LDB2: variants seen among roughly 807,000 people sequenced by gnomAD.
LDB2 encodes the protein LIM domain-binding protein 2.
A neutral mutation model predicts 44.3 loss-of-function variants in LDB2; 12 were observed. The observed-to-expected ratio is 0.27, with a 90% CI of 0.17 to 0.44. The LOEUF (loss-of-function observed/expected upper bound fraction) is 0.44. Among genes scored for constraint, LDB2 ranks in the 20% least tolerant of loss-of-function variants. The pLI, the probability that LDB2 is intolerant of heterozygous loss-of-function variation, is 1.00. For synonymous variants in LDB2, 164 were observed against 174.8 expected, an observed-to-expected ratio of 0.94 and a Z score of 0.49; for missense variants, 344 against 473.5, an observed-to-expected ratio of 0.73 and a Z score of 2.54.
At chr4:16,815,013 T>A (rs185007693) in intron 1 of LDB2, among the ~76,000 whole-genome samples, 1 of 152,270 alleles carries the variant, frequency 6.6e-6, no homozygotes, top group Non-Finnish European at 1.5e-5. Flanking sequence ...CACAATTCTA[T>A]GTATTCACAT....
intron 2 of LDB2, among the ~76,000 whole-genome samples, chr4:16,694,605 C>G (rs1751654464): frequency 6.6e-6 from 1 of 152,190 alleles, no homozygotes; most frequent in Non-Finnish European, 1.5e-5. Context: ...CCAGCCCTTC[C>G]AAATCTTAGC....
intron 2 of LDB2, among the ~76,000 whole-genome samples, chr4:16,734,132 C>T (rs995360253): frequency 6.6e-6 from 1 of 152,082 alleles, no homozygotes; most frequent in African/African-American, 2.4e-5. Flanking sequence ...AAATAAGATG[C>T]TTTGTGTAAT....
intron 5 of LDB2, among the ~76,000 whole-genome samples, chr4:16,552,226 T>A (rs560061375): frequency 6.6e-6 from 1 of 152,334 alleles, no homozygotes; most frequent in African/African-American, 2.4e-5. Context: ...AAATATTAGT[T>A]GAACATATCA....
chr4:16,802,656 T>C (rs1011981436), intron 1 of LDB2, among the ~76,000 whole-genome samples: 34 of 152,208 alleles, frequency 2.2e-4, no homozygotes, highest in African/African-American at 7.2e-4. Flanking sequence ...GTGACTGATA[T>C]GGTTTGACTG....
At chr4:16,610,201 T>C (rs1725223102) in intron 2 of LDB2, among the ~76,000 whole-genome samples, 1 of 151,670 alleles carries the variant, frequency 6.6e-6, no homozygotes, top group Non-Finnish European at 1.5e-5. Flanking sequence ...AGAAACTCCA[T>C]CCAAGGGTCA....
chr4:16,551,674 C>T lies in LDB2; in HGVS notation c.615+34248G>A, dbSNP rs142571827. ...CTGGGATTATAGGCGCCTGCCACCA[C>T]GCCCAAATAATTTTTGTATTTTTAA... On this transcript the variant is annotated intron_variant, in intron 5 of 7. Coordinates refer to ENST00000304523, the MANE Select transcript of LDB2 (RefSeq NM_001290.5). 2.4e-4 allele frequency among the ~76,000 whole-genome samples: 37 copies of T among 152,162 alleles called. 1 individual carries two copies. The East Asian group carries it at 7.0e-3, about 29-fold the overall frequency.
chr4:16,872,148 T>A (rs978873562), intron 1 of LDB2, among the ~76,000 whole-genome samples: 2 of 152,064 alleles, frequency 1.3e-5, no homozygotes, highest in Non-Finnish European at 2.9e-5. Context: ...TCTTTTTTTT[T>A]AAAGACCCAA....
chr4:16,680,809 C>T (rs1283170349), intron 2 of LDB2, among the ~76,000 whole-genome samples: 1 of 152,172 alleles, frequency 6.6e-6, no homozygotes. Flanking sequence ...AACAAGAACC[C>T]TCCTACAATG....
At chr4:16,804,746 A>C (rs1056112624) in intron 1 of LDB2, among the ~76,000 whole-genome samples, 6 of 152,258 alleles carry the variant, frequency 3.9e-5, no homozygotes, top group African/African-American at 1.2e-4. Flanking sequence ...GGAGAGCTAG[A>C]TATTTGCTAG....
At chr4:16,717,948 A>T (rs1195581371) in intron 2 of LDB2, among the ~76,000 whole-genome samples, 1 of 152,182 alleles carries the variant, frequency 6.6e-6, no homozygotes, top group Non-Finnish European at 1.5e-5. Context: ...TTGTAATCAG[A>T]AGCTCTATTT....
intron 6 of LDB2, among the ~76,000 whole-genome samples, chr4:16,510,202 C>T (rs1465830235): frequency 6.6e-6 from 1 of 152,190 alleles, no homozygotes; most frequent in Non-Finnish European, 1.5e-5. Flanking sequence ...CTCTAAGGCT[C>T]ATTTCAAAGA....
At chr4:16,756,803 A>T (rs114436971) in intron 2 of LDB2, among the ~76,000 whole-genome samples, 44 of 152,230 alleles carry the variant, frequency 2.9e-4, no homozygotes, top group African/African-American at 9.9e-4. Context: ...TACAGGATTT[A>T]TGGCAACTTA....
intron 2 of LDB2, among the ~76,000 whole-genome samples, chr4:16,631,264 C>G (rs1204971197): frequency 3.3e-5 from 5 of 152,186 alleles, no homozygotes; most frequent in African/African-American, 1.2e-4. Flanking sequence ...CAAAGTAGAA[C>G]TCAGGATTAA....
At chr4:16,627,949 A>G (rs910326582) in intron 2 of LDB2, among the ~76,000 whole-genome samples, 2 of 152,142 alleles carry the variant, frequency 1.3e-5, no homozygotes, top group African/African-American at 4.8e-5. Context: ...GAGTCAAATC[A>G]ACGTGCACAT....
chr4:16,518,397 T>A (rs1724647621), intron 5 of LDB2, among the ~76,000 whole-genome samples: 1 of 152,096 alleles, frequency 6.6e-6, no homozygotes, highest in Non-Finnish European at 1.5e-5. Flanking sequence ...TTGTGTGACA[T>A]CCTATGGCCT....
intron 1 of LDB2, among the ~76,000 whole-genome samples, chr4:16,786,505 G>A (rs1329112061): frequency 6.6e-6 from 1 of 152,172 alleles, no homozygotes; most frequent in Non-Finnish European, 1.5e-5. Flanking sequence ...TGTGTACTGA[G>A]AAACTGGAGC....
chr4:16,553,495 C>T (rs1250769748), intron 5 of LDB2, among the ~76,000 whole-genome samples: 1 of 152,130 alleles, frequency 6.6e-6, no homozygotes, highest in African/African-American at 2.4e-5. Flanking sequence ...CTCCATTTTA[C>T]AGGTGAGAAA....
chr4:16,753,553 C>T (rs1765886643), intron 2 of LDB2, among the ~76,000 whole-genome samples: 1 of 152,190 alleles, frequency 6.6e-6, no homozygotes, highest in African/African-American at 2.4e-5. Context: ...GTTCTTCAGA[C>T]TATCTAATGA....
intron 2 of LDB2, among the ~76,000 whole-genome samples, chr4:16,755,528 T>TGTGTGTGTGTGA (rs1561114447): frequency 7.4e-6 from 1 of 134,970 alleles, no homozygotes; most frequent in African/African-American, 2.7e-5. Flanking sequence ...TGTGTGTATG[T>TGTGTGTGTGTGA]GAGAGAGAGA....
Sources: gnomAD v4.1 joint callset for allele counts (sites outside exome capture counted in the v4.1 genomes callset) on GRCh38, gnomAD v4.1.1 for gene constraint, MANE v1.5 for transcripts, NCBI Gene and HGNC (gene_info 2026-07-23, HGNC 2026-07-21) for gene names.